The following TIAM1 variants were observed in gnomAD, a reference collection of about 807,000 sequenced individuals.
TIAM1 encodes the protein rho guanine nucleotide exchange factor TIAM1.
A neutral mutation model predicts 163.5 loss-of-function variants in TIAM1; 65 were observed. The ratio of observed to expected loss-of-function variants is 0.40; its 90% CI spans 0.33 to 0.49. The LOEUF (loss-of-function observed/expected upper bound fraction) is 0.49, where lower values mean the gene tolerates loss of function less well. TIAM1 is among the 20% of genes least tolerant of loss of function. The probability of loss-of-function intolerance (pLI) is 0.77; values close to 1 mark genes in which losing one functional copy is unlikely to be tolerated. For missense variants in TIAM1, 1,789 were observed against 2,044.7 expected (o/e 0.87, Z 2.41); for synonymous variants, 833 against 810.1 (o/e 1.03, Z -0.48).
chr21:31,246,385 A>G (rs983370797), intron 5 of TIAM1, among the ~76,000 whole-genome samples: 2 of 152,224 alleles, frequency 1.3e-5, no homozygotes, highest in Non-Finnish European at 2.9e-5. Flanking sequence ...ACTTGTGGCA[A>G]GATGGCTTCC....
intron 1 of TIAM1, among the ~76,000 whole-genome samples, chr21:31,509,668 G>T (rs2047147295): frequency 6.6e-6 from 1 of 152,206 alleles, no homozygotes; most frequent in African/African-American, 2.4e-5. Context: ...AGTTAAGACA[G>T]TTCCAATGCC....
At chr21:31,198,114 C>T (rs1009214713) in intron 12 of TIAM1, among the ~76,000 whole-genome samples, 3 of 152,274 alleles carry the variant, frequency 2.0e-5, no homozygotes, top group East Asian at 1.9e-4. Context: ...TAACAAAAAA[C>T]GTGGCCGTTA....
At chr21:31,532,075 C>T (rs2047989772) in intron 1 of TIAM1, among the ~76,000 whole-genome samples, 1 of 152,112 alleles carries the variant, frequency 6.6e-6, no homozygotes, top group Admixed American at 6.6e-5. Context: ...CATGATTGTG[C>T]CACTGCATTC....
chr21:31,276,705 G>A (rs896854273), intron 3 of TIAM1, 27 bp downstream of exon 3: 1 of 152,142 alleles, frequency 6.6e-6, no homozygotes, highest in Non-Finnish European at 1.5e-5. Flanking sequence ...CAAACATATA[G>A]GCTCAAATAT....
intron 1 of TIAM1, among the ~76,000 whole-genome samples, chr21:31,472,678 C>A (rs1254538178): frequency 6.6e-6 from 1 of 152,202 alleles, no homozygotes; most frequent in Non-Finnish European, 1.5e-5. Context: ...GCCCATGAGC[C>A]TACTACTACA....
chr21:31,145,971 G>A (rs563769177), intron 20 of TIAM1, among the ~76,000 whole-genome samples: 8 of 152,230 alleles, frequency 5.3e-5, no homozygotes, highest in Admixed American at 3.3e-4. Context: ...AGAACCTGTC[G>A]ACAACGTGAA....
intron 1 of TIAM1, among the ~76,000 whole-genome samples, chr21:31,520,545 T>C (rs1306841472): frequency 6.6e-6 from 1 of 152,222 alleles, no homozygotes; most frequent in African/African-American, 2.4e-5. Context: ...GAAAGAAATG[T>C]GCTGTCCTAA....
intron 2 of TIAM1, among the ~76,000 whole-genome samples, chr21:31,296,631 G>C (rs1457006920): frequency 1.3e-5 from 2 of 152,122 alleles, no homozygotes; most frequent in Non-Finnish European, 2.9e-5. Context: ...GGGGAGTCCA[G>C]GGTCCTTTTA....
intron 4 of TIAM1, among the ~76,000 whole-genome samples, chr21:31,260,020 C>G (rs2072365267): frequency 6.6e-6 from 1 of 151,280 alleles, no homozygotes; most frequent in African/African-American, 2.4e-5. Flanking sequence ...TCATGAAAGC[C>G]TCAAATTCCT....
intron 15 of TIAM1, among the ~76,000 whole-genome samples, chr21:31,166,621 T>C (rs2084229066): frequency 6.6e-6 from 1 of 152,230 alleles, no homozygotes; most frequent in African/African-American, 2.4e-5. Flanking sequence ...CTCTGGCTCT[T>C]GGATTTTCTT....
At chr21:31,369,900 G>A (rs1234095629) in intron 2 of TIAM1, among the ~76,000 whole-genome samples, 2 of 152,056 alleles carry the variant, frequency 1.3e-5, no homozygotes, top group Admixed American at 6.6e-5. Context: ...CAGGAGACTC[G>A]CTTGAACCCG....
chr21:31,506,010 C>CAA (rs141958932), intron 1 of TIAM1, among the ~76,000 whole-genome samples: 2,004 of 84,096 alleles, frequency 0.024, 83 homozygotes, highest in African/African-American at 0.086. Flanking sequence ...GACTCTGCCT[C>CAA]AAAAAAAAAA....
chr21:31,475,118 CACAGCTCACT>C (rs2045897034), intron 1 of TIAM1, among the ~76,000 whole-genome samples: 1 of 151,420 alleles, frequency 6.6e-6, no homozygotes, highest in African/African-American at 2.4e-5. Flanking sequence ...GTGGTTTGAT[CACAGCTCACT>C]GCAGCATCGA....
chr21:31,237,594 T>C (rs2070960030), intron 6 of TIAM1, among the ~76,000 whole-genome samples: 1 of 152,234 alleles, frequency 6.6e-6, no homozygotes, highest in Admixed American at 6.5e-5. Context: ...ATGAGTCTTT[T>C]AATATGCATA....
chr21:31,531,443 C>T (rs1014607256), intron 1 of TIAM1, among the ~76,000 whole-genome samples: 18 of 152,088 alleles, frequency 1.2e-4, no homozygotes, highest in African/African-American at 4.3e-4. Flanking sequence ...AGAAACAAAA[C>T]GACACCCTGG....
intron 6 of TIAM1, among the ~76,000 whole-genome samples, chr21:31,231,249 G>C (rs916601804): frequency 6.6e-6 from 1 of 152,172 alleles, no homozygotes; most frequent in Non-Finnish European, 1.5e-5. Context: ...TTAAGCCGCT[G>C]AGATTTAAGT....
intron 15 of TIAM1, among the ~76,000 whole-genome samples, chr21:31,180,878 G>C (rs560898445): frequency 1.3e-5 from 2 of 152,250 alleles, no homozygotes; most frequent in African/African-American, 4.8e-5. Context: ...CTGTAACTGA[G>C]AGCAATCAAT....
chr21:31,411,190 G>A lies in TIAM1; in HGVS notation c.-369+52793C>T, dbSNP rs377607689. The stretch of plus-strand genomic sequence containing the variant: ...ACTCCTGAAATAATCCAAGGGCAAA[G>A]AGGAGAGTAAGAAGCTGGGGCTGTG... On this transcript the variant is annotated intron_variant, in intron 2 of 28. Transcript: ENST00000286827. Among the ~76,000 whole-genome samples the A allele has an allele frequency of 6.8e-4, 103 of 152,312 alleles. 1 individual carries two copies. In the Middle Eastern group the frequency reaches 0.017, roughly 25 times the overall value.
At chr21:31,272,195 T>C (rs769341429) in intron 3 of TIAM1, among the ~76,000 whole-genome samples, 40 of 152,174 alleles carry the variant, frequency 2.6e-4, no homozygotes, top group African/African-American at 9.7e-4. Flanking sequence ...TGAATATTTA[T>C]TTATAATAAG....
Sources: gnomAD v4.1 joint callset for allele counts (sites outside exome capture counted in the v4.1 genomes callset) on GRCh38, gnomAD v4.1.1 for gene constraint, MANE v1.5 for transcripts, NCBI Gene and HGNC (gene_info 2026-07-23, HGNC 2026-07-21) for gene names.